Variants in UBE2D3 observed in about 807,000 individuals in gnomAD.
UBE2D3 encodes the protein ubiquitin-conjugating enzyme E2 D3.
In UBE2D3, 2 loss-of-function variants were observed where a neutral mutation model predicts 22.8. The observed-to-expected ratio is 0.09, with a 90% CI of 0.04 to 0.28. The LOEUF (loss-of-function observed/expected upper bound fraction) is 0.28. UBE2D3 is among the 10% of genes least tolerant of loss of function. UBE2D3 has a pLI of 1.00. For missense variants in UBE2D3, 27 were observed against 182.5 expected (o/e 0.15, Z 4.91); for synonymous variants, 56 against 60.4 (o/e 0.93, Z 0.34).
chr4:102,867,197 T>C (rs1733187921), intron 1 of UBE2D3, among the ~76,000 whole-genome samples: 1 of 152,220 alleles, frequency 6.6e-6, no homozygotes, highest in Admixed American at 6.5e-5. Context: ...TTACTGATAT[T>C]CTTTTTTAGT....
At chr4:102,849,384 AAG>A (rs1449657027) in intron 1 of UBE2D3, among the ~76,000 whole-genome samples, 2 of 151,352 alleles carry the variant, frequency 1.3e-5, no homozygotes, top group Non-Finnish European at 2.9e-5. Flanking sequence ...AAAAAAAAAA[AAG>A]GAAATATACT....
At chr4:102,807,820 G>GACAA (rs1401818824) in intron 4 of UBE2D3, among the ~76,000 whole-genome samples, 1 of 152,056 alleles carries the variant, frequency 6.6e-6, no homozygotes, top group African/African-American at 2.4e-5. Flanking sequence ...CCTTTTGATT[G>GACAA]TCTATAGGTA....
chr4:102,852,330 CT>C (rs755520070), intron 1 of UBE2D3, among the ~76,000 whole-genome samples: 2 of 152,182 alleles, frequency 1.3e-5, no homozygotes, highest in African/African-American at 4.8e-5. Flanking sequence ...AAATTTACAT[CT>C]TATGTCATTA....
At chr4:102,844,778 T>A (rs1731951902) in intron 1 of UBE2D3, among the ~76,000 whole-genome samples, 1 of 151,810 alleles carries the variant, frequency 6.6e-6, no homozygotes, top group Admixed American at 6.6e-5. Context: ...CTCAGCACTT[T>A]GGGAGGCCGA....
chr4:102,808,140 T>C (rs1326413507), intron 4 of UBE2D3, among the ~76,000 whole-genome samples: 1 of 152,192 alleles, frequency 6.6e-6, no homozygotes, highest in Admixed American at 6.5e-5. Flanking sequence ...ACTAGGCAGA[T>C]AATATGGAAT....
At chr4:102,810,520 G>A (rs1465517595) in intron 2 of UBE2D3, 1 of 151,554 alleles carries the variant, frequency 6.6e-6, no homozygotes, top group Non-Finnish European at 1.5e-5. Context: ...CCTGCCTCAG[G>A]TGCCCGCCAC....
chr4:102,809,063 C>G (rs1204327290), intron 4 of UBE2D3: 2 of 194,202 alleles, frequency 1.0e-5, no homozygotes, highest in Non-Finnish European at 2.3e-5. Flanking sequence ...AAGATACAGT[C>G]TTACCCCAGG....
intron 2 of UBE2D3, among the ~76,000 whole-genome samples, chr4:102,817,325 G>A (rs1728911639): frequency 6.6e-6 from 1 of 152,164 alleles, no homozygotes; most frequent in Non-Finnish European, 1.5e-5. Flanking sequence ...GAAGACAAAT[G>A]AGTTTTGATT....
At chr4:102,814,806 G>A (rs1386539206) in intron 2 of UBE2D3, among the ~76,000 whole-genome samples, 1 of 151,880 alleles carries the variant, frequency 6.6e-6, no homozygotes. Flanking sequence ...CTCCACACAT[G>A]GGCCACATAA....
At chr4:102,816,487 C>T (rs1031675217) in intron 2 of UBE2D3, among the ~76,000 whole-genome samples, 2 of 152,180 alleles carry the variant, frequency 1.3e-5, no homozygotes, top group Non-Finnish European at 2.9e-5. Context: ...TGCTCTGGTT[C>T]CTACACCTAT....
intron 5 of UBE2D3, chr4:102,802,197 A>G (rs1454181131): frequency 1.2e-5 from 2 of 165,148 alleles, no homozygotes; most frequent in African/African-American, 4.8e-5. Context: ...ATACAAAACT[A>G]TAAGCATAAT....
intron 2 of UBE2D3, chr4:102,819,515 C>T: frequency 3.1e-6 from 3 of 966,240 alleles, no homozygotes; most frequent in Non-Finnish European, 3.7e-6. Flanking sequence ...AGTATCTGTT[C>T]ATCAGATCAA....
chr4:102,797,150 A>ATT lies in UBE2D3; in HGVS notation c.*263_*264dup. 18 of 312,272 alleles carry ATT rather than the reference A, an allele frequency of 5.8e-5. No individual in the cohort carries two copies. Among genetic ancestry groups the ATT allele is most frequent in the South Asian group, 6.8e-5 (1 of 14,636 alleles). The allele number at this position is 312,272 out of a possible 1,614,324, so 19.3% of individuals were successfully genotyped here. On this transcript the variant is annotated 3_prime_UTR_variant, in exon 8 of 8. Coordinates refer to ENST00000453744, the MANE Select transcript of UBE2D3 (RefSeq NM_181891.3). ...ATTGGCCACATAATACACATGCTCC[A>ATT]TTTTTTTTTTTAAAAATTCTGAGTC...
At position 102,798,279 on chromosome 4, in the gene UBE2D3, AATAT is replaced by A. The variant is rs10526258; in HGVS notation, c.399-823_399-820del. 3.8e-4 allele frequency among the ~76,000 whole-genome samples: 42 copies of A among 111,854 alleles called. No homozygotes were observed. The South Asian group carries it at 6.3e-3, about 17-fold the overall frequency. The allele number at this position is 111,854 out of a possible 152,430, so 73.4% of individuals were successfully genotyped here. On this transcript the variant is annotated intron_variant, in intron 7 of 7. Transcript: ENST00000453744. Reference sequence around the variant, plus strand: ...AAAACAGTGATAACCTTAAGAAATGAATATATATATATATATATGCACAGGAGAA... The same window carrying A: ...AAAACAGTGATAACCTTAAGAAATGAATATATATATATATGCACAGGAGAA...
upstream of UBE2D3, among the ~76,000 whole-genome samples, chr4:102,831,459 A>T (rs1217248788): frequency 6.6e-6 from 1 of 152,232 alleles, no homozygotes; most frequent in African/African-American, 2.4e-5. Flanking sequence ...ATATATACAC[A>T]AATGTTCAGA....
intron 6 of UBE2D3, among the ~76,000 whole-genome samples, chr4:102,801,132 G>T (rs1330377829): frequency 6.6e-6 from 1 of 151,854 alleles, no homozygotes; most frequent in Non-Finnish European, 1.5e-5. Context: ...TTGGTAAAAA[G>T]GCCGCAAGTT....
At chr4:102,812,058 A>G in intron 2 of UBE2D3, 2 of 184,114 alleles carry the variant, frequency 1.1e-5, no homozygotes, top group South Asian at 1.6e-4. Flanking sequence ...TTCCTGTGCA[A>G]AATCAAGGAC....
chr4:102,833,017 T>C (rs1731195883), intron 1 of UBE2D3, among the ~76,000 whole-genome samples: 1 of 149,520 alleles, frequency 6.7e-6, no homozygotes, highest in Non-Finnish European at 1.5e-5. Context: ...AAAAAAATGT[T>C]TATAGAAAAA....
chr4:102,868,609 G>C, intron 1 of UBE2D3: 4 of 1,454,000 alleles, frequency 2.8e-6, no homozygotes, highest in Non-Finnish European at 3.9e-6. Context: ...TCTGGGTAGG[G>C]GGAGGATACT....
Sources: allele counts gnomAD v4.1 joint callset (sites outside exome capture counted in the v4.1 genomes callset), GRCh38; gene constraint gnomAD v4.1.1; transcripts MANE v1.5; gene names NCBI Gene and HGNC (gene_info 2026-07-23, HGNC 2026-07-21).